CIB2: variants seen among roughly 807,000 people sequenced by gnomAD.
CIB2 encodes calcium and integrin-binding family member 2.
CIB2 carries 19 observed loss-of-function variants against 23.1 expected under a neutral mutation model. The observed-to-expected ratio is 0.82, with a 90% CI of 0.57 to 1.21. CIB2 has a LOEUF of 1.21. Ranked by LOEUF, CIB2 falls within the 50% of genes most tolerant of loss-of-function variation. The pLI, the probability that CIB2 is intolerant of heterozygous loss-of-function variation, is 0.00. For missense variants in CIB2, 220 were observed against 241.5 expected, an observed-to-expected ratio of 0.91 and a Z score of 0.59; for synonymous variants, 94 against 91.7, an observed-to-expected ratio of 1.03 and a Z score of -0.14.
intron 2 of CIB2, among the ~76,000 whole-genome samples, chr15:78,122,141 A>G (rs1432725474): frequency 6.6e-6 from 1 of 152,186 alleles, no homozygotes; most frequent in Non-Finnish European, 1.5e-5. Context: ...CAGGAACCCA[A>G]GGAGCCCCTA....
chr15:78,131,298 C>T lies in CIB2; in HGVS notation c.-83G>A. ...AGACCCGGAGCCAGCGCCCCGTGCC[C>T]GCGGCCCTCGGCAGCCCCGCGGCTG... On this transcript the variant is annotated 5_prime_UTR_variant, in exon 1 of 6. Coordinates refer to ENST00000258930, the MANE Select transcript of CIB2 (RefSeq NM_006383.4). This position sits in a 1 kb window ranked among gnomAD's most constrained non-coding sequence, Gnocchi z 5.8. The T allele has an allele frequency of 1.8e-6, 2 of 1,127,966 alleles. No homozygotes were observed. The highest frequency in any genetic ancestry group is 3.6e-5 in the South Asian group (1 of 27,958). 69.9% of individuals were successfully genotyped at this position (1,127,966 alleles called of 1,614,324 possible).
intron 3 of CIB2, chr15:78,110,867 AGACACAGGTCTGCCAAC>A: frequency 4.0e-6 from 2 of 496,104 alleles, no homozygotes; most frequent in Non-Finnish European, 3.9e-6. Context: ...CTAACAAAGC[AGACACAGGTCTGCCAAC>A]TACAGCAGGC....
In CIB2 at chr15:78,119,016, C is replaced by T. The variant is rs553086357; in HGVS notation, c.86+4689G>A. 2.2e-4 allele frequency among the ~76,000 whole-genome samples: 34 copies of T among 151,994 alleles called. No individual in the cohort carries two copies. The South Asian group carries it at 6.2e-3, about 28-fold the overall frequency. On this transcript the variant is annotated intron_variant, in intron 2 of 5. Coordinates refer to ENST00000258930, the MANE Select transcript of CIB2 (RefSeq NM_006383.4). The stretch of plus-strand genomic sequence containing the variant: ...GCCAACAAGGTGAACCCCATCTCTA[C>T]TAAAAATACAAAAATTAGCCGAGCG...
chr15:78,127,420 G>A (rs1026865457), intron 1 of CIB2, among the ~76,000 whole-genome samples: 3 of 152,160 alleles, frequency 2.0e-5, no homozygotes, highest in African/African-American at 7.2e-5. Context: ...GAGAGAGGGG[G>A]CCTAACCCAG....
At chr15:78,126,843 T>C (rs1400951522) in intron 1 of CIB2, among the ~76,000 whole-genome samples, 5 of 152,218 alleles carry the variant, frequency 3.3e-5, no homozygotes, top group African/African-American at 1.2e-4. Context: ...TTCTGTTCAC[T>C]TGTTTCCCTG....
At chr15:78,109,435 C>A (rs1463623559) in intron 3 of CIB2, 53 bp from the exon 4 acceptor site, 1 of 1,608,940 alleles carries the variant, frequency 6.2e-7, no homozygotes. Flanking sequence ...GCAGGAGGGC[C>A]CCGGAGCCAG....
chr15:78,106,817 C>CT (rs1006015001), intron 4 of CIB2, among the ~76,000 whole-genome samples: 24 of 152,246 alleles, frequency 1.6e-4, no homozygotes, highest in Admixed American at 9.8e-4. Context: ...TTGGCAAACT[C>CT]TGACATTAAT....
At chr15:78,130,335 A>G (rs2141924428) in intron 1 of CIB2, among the ~76,000 whole-genome samples, 1 of 152,190 alleles carries the variant, frequency 6.6e-6, no homozygotes, top group East Asian at 1.9e-4. Flanking sequence ...AGCAACTGCA[A>G]ATGGTTTTAA....
chr15:78,128,788 C>T (rs544689466), intron 1 of CIB2, among the ~76,000 whole-genome samples: 1 of 151,884 alleles, frequency 6.6e-6, no homozygotes, highest in African/African-American at 2.4e-5. Context: ...AGGAGGGGCG[C>T]AGGAGGGAGC....
chr15:78,107,210 C>G (rs1417928388), intron 4 of CIB2, among the ~76,000 whole-genome samples: 2 of 151,970 alleles, frequency 1.3e-5, no homozygotes, highest in African/African-American at 4.8e-5. Context: ...ACTCCAGCCT[C>G]GTTGACAGAG....
intron 2 of CIB2, among the ~76,000 whole-genome samples, chr15:78,122,877 C>G (rs2074337755): frequency 6.6e-6 from 1 of 152,228 alleles, no homozygotes; most frequent in Non-Finnish European, 1.5e-5. Flanking sequence ...CAGTGACAAG[C>G]TGCAGCACAG....
At chr15:78,110,435 AG>A (rs2074139750) in intron 3 of CIB2, among the ~76,000 whole-genome samples, 1 of 152,190 alleles carries the variant, frequency 6.6e-6, no homozygotes, top group Non-Finnish European at 1.5e-5. Context: ...TCACAACCAG[AG>A]TGCAGGCCCC....
intron 1 of CIB2, among the ~76,000 whole-genome samples, chr15:78,128,913 T>C (rs984134775): frequency 2.0e-5 from 3 of 152,076 alleles, no homozygotes; most frequent in Non-Finnish European, 4.4e-5. Flanking sequence ...ACAGGCCTTG[T>C]TCTTAACTGA....
chr15:78,107,769 CAT>C (rs1467136441), intron 4 of CIB2, among the ~76,000 whole-genome samples: 1 of 152,218 alleles, frequency 6.6e-6, no homozygotes, highest in Non-Finnish European at 1.5e-5. Flanking sequence ...GCCATGTGGG[CAT>C]AGTTTGTGGA....
chr15:78,111,665 A>G lies in CIB2; in HGVS notation c.87-389T>C, dbSNP rs559231945. ...ACCTAATTTAATCCTCCTCCACATC[A>G]CTGTGCAGACAGATGCATCCTGACC... On this transcript the variant is annotated intron_variant, in intron 2 of 5. Transcript: ENST00000258930. Among the ~76,000 whole-genome samples the G allele has an allele frequency of 7.2e-5, 11 of 152,218 alleles. No homozygotes were observed. The South Asian group carries it at 1.0e-3, about 14-fold the overall frequency.
chr15:78,130,494 T>C (rs554266266), intron 1 of CIB2, among the ~76,000 whole-genome samples: 2 of 152,152 alleles, frequency 1.3e-5, no homozygotes, highest in Non-Finnish European at 2.9e-5. Flanking sequence ...TGGGACGGTA[T>C]TGGGATTCCA....
chr15:78,105,350 G>T lies in CIB2; in HGVS notation c.543-18C>A, dbSNP rs1425639819. On this transcript the variant is annotated intron_variant, in intron 5 of 5. Transcript: ENST00000258930. The stretch of plus-strand genomic sequence containing the variant: ...GGAAAGTGCTAGAAAGAGAGAAAGG[G>T]CAAGAGAGGGTGAGAGGCCCTGGGT... 3 of 1,613,756 alleles carry T rather than the reference G, an allele frequency of 1.9e-6. No homozygotes were observed. Among genetic ancestry groups the T allele is most frequent in the African/African-American group, 2.7e-5 (2 of 74,904 alleles).
rs150719724 is a variant in CIB2 at position 78,120,844 on chromosome 15, G to C, written c.86+2861C>G. 431 of 538,826 alleles carry C rather than the reference G, an allele frequency of 8.0e-4. No homozygotes were observed. The African/African-American group carries it at 8.4e-3, about 11-fold the overall frequency. 33.4% of individuals were successfully genotyped at this position (538,826 alleles called of 1,614,324 possible). On this transcript the variant is annotated intron_variant, in intron 2 of 5. Transcript: ENST00000258930. ...AGCTTACCAAGAAAACCATCCTGGT[G>C]GGGGTGGGGAGTAGCATCCCTGAAA...
intron 2 of CIB2, among the ~76,000 whole-genome samples, 157 bp from the exon 3 acceptor site, chr15:78,111,433 T>A (rs1393363876): frequency 1.3e-5 from 2 of 152,112 alleles, no homozygotes; most frequent in Non-Finnish European, 2.9e-5. Context: ...CCACAGGGTG[T>A]GAAGTTGGGA....
Sources: allele counts gnomAD v4.1 joint callset (sites outside exome capture counted in the v4.1 genomes callset), GRCh38; gene constraint gnomAD v4.1.1; non-coding constraint Gnocchi (gnomAD v3.1); transcripts MANE v1.5; gene names NCBI Gene and HGNC (gene_info 2026-07-23, HGNC 2026-07-21).